The following TJP1 variants were observed in gnomAD, a reference collection of about 807,000 sequenced individuals.
TJP1 encodes tight junction protein 1.
TJP1 carries 43 observed loss-of-function variants against 194.2 expected under a neutral mutation model. That is an observed-to-expected ratio of 0.22 (90% CI 0.17 to 0.29). The LOEUF is 0.29. Among genes scored for constraint, TJP1 ranks in the 10% least tolerant of loss-of-function variants. TJP1 has a pLI of 1.00. For missense variants in TJP1, 1,971 were observed against 2,185.7 expected (o/e 0.90, Z 1.96); for synonymous variants, 801 against 779.0 (o/e 1.03, Z -0.47).
chr15:29,813,579 T>C (rs761860436), intron 1 of TJP1, among the ~76,000 whole-genome samples: 66 of 152,300 alleles, frequency 4.3e-4, no homozygotes, highest in Non-Finnish European at 8.4e-4. Context: ...TAGAAGATTC[T>C]GTATGCGCAA....
chr15:29,713,022 G>A (rs560343967), intron 23 of TJP1, among the ~76,000 whole-genome samples: 21 of 152,234 alleles, frequency 1.4e-4, no homozygotes, highest in African/African-American at 4.8e-4. Flanking sequence ...CTGTGGTGGT[G>A]GAGTCTTACT....
intron 1 of TJP1, among the ~76,000 whole-genome samples, chr15:29,801,289 C>A (rs2048762802): frequency 6.6e-6 from 1 of 152,026 alleles, no homozygotes; most frequent in East Asian, 1.9e-4. Context: ...ATGTATCACA[C>A]ACGTAGATAC....
chr15:29,797,676 A>T (rs2048504606), intron 2 of TJP1, among the ~76,000 whole-genome samples: 1 of 152,162 alleles, frequency 6.6e-6, no homozygotes, highest in Non-Finnish European at 1.5e-5. Flanking sequence ...AAAGGAAAAA[A>T]ATATTTGCAA....
intron 5 of TJP1, among the ~76,000 whole-genome samples, chr15:29,763,007 C>T (rs913199268): frequency 1.3e-5 from 2 of 152,092 alleles, no homozygotes; most frequent in African/African-American, 2.4e-5. Flanking sequence ...TTCTATTTTT[C>T]CCAGCTCCTA....
intron 12 of TJP1, among the ~76,000 whole-genome samples, chr15:29,733,522 A>G (rs990428646): frequency 6.6e-6 from 1 of 152,274 alleles, no homozygotes; most frequent in Non-Finnish European, 1.5e-5. Flanking sequence ...AAACTGATGC[A>G]GAAAATACAT....
intron 1 of TJP1, among the ~76,000 whole-genome samples, chr15:29,963,065 C>T (rs974073245): frequency 6.6e-6 from 1 of 152,102 alleles, no homozygotes. Context: ...CACTTGCACC[C>T]GGGAGGCGGA....
Position 29,718,892 on chromosome 15 carries a change from C to A in TJP1, c.3250G>T (p.Val1084Phe). 1.9e-6 allele frequency: 3 copies of A among 1,614,138 alleles called. No homozygotes were observed. In the African/African-American group the frequency reaches 4.0e-5, roughly 22 times the overall value. ...YEHRLRYEDR[V>F]PMYEEQWSYY... ...GACCACTGTTCTTCATACATGGGGA[C>A]GCGATCTTCGTATCGCAGACGATGT... Residue 1084 changes from valine to phenylalanine, a missense_variant, in exon 21 of 28, where the codon GTC (valine) becomes TTC (phenylalanine). Around this residue, in one of 5 missense-constraint regions of TJP1, gnomAD observed 1,108 missense variants for 1,128.5 expected, o/e 0.98. Coordinates refer to ENST00000614355, the MANE Select transcript of TJP1 (RefSeq NM_001330239.4).
intron 8 of TJP1, among the ~76,000 whole-genome samples, chr15:29,746,238 C>T (rs531475088): frequency 1.2e-4 from 19 of 152,022 alleles, no homozygotes; most frequent in African/African-American, 4.1e-4. Flanking sequence ...ATTGGCTGGG[C>T]GTGGTGGCGG....
intron 2 of TJP1, among the ~76,000 whole-genome samples, chr15:29,866,020 G>A (rs184027320): frequency 5.6e-4 from 85 of 152,240 alleles, no homozygotes; most frequent in African/African-American, 1.9e-3. Flanking sequence ...AATCATAAAG[G>A]CATACTTTCA....
intron 5 of TJP1, among the ~76,000 whole-genome samples, chr15:29,762,807 C>T (rs913410597): frequency 1.1e-4 from 16 of 152,094 alleles, no homozygotes; most frequent in African/African-American, 3.9e-4. Flanking sequence ...ACTATGTTGC[C>T]CAGGCTGGAC....
At chr15:29,932,786 A>G (rs889539381) in intron 2 of TJP1, among the ~76,000 whole-genome samples, 2 of 152,180 alleles carry the variant, frequency 1.3e-5, no homozygotes, top group African/African-American at 4.8e-5. Flanking sequence ...AAAAGTATGA[A>G]AAGCCTCCAT....
At chr15:29,932,370 G>A (rs907457424) in intron 2 of TJP1, among the ~76,000 whole-genome samples, 4 of 152,160 alleles carry the variant, frequency 2.6e-5, no homozygotes, top group Admixed American at 2.6e-4. Context: ...TGGTATTATA[G>A]ATCAGTATGG....
chr15:29,772,225 A>G (rs1787447985), intron 3 of TJP1, 59 bp from the exon 4 acceptor site: 2 of 1,063,032 alleles, frequency 1.9e-6, no homozygotes, highest in Non-Finnish European at 2.8e-6. Flanking sequence ...TAAGTTTATG[A>G]TGATATTTCC....
At chr15:29,852,675 G>A (rs748716703) in intron 2 of TJP1, among the ~76,000 whole-genome samples, 3 of 152,142 alleles carry the variant, frequency 2.0e-5, no homozygotes, top group Admixed American at 6.5e-5. Flanking sequence ...TTGGGAGGCC[G>A]AGGTGGGCGG....
chr15:29,764,970 T>A (rs1284510026), intron 5 of TJP1, among the ~76,000 whole-genome samples: 7 of 151,340 alleles, frequency 4.6e-5, no homozygotes, highest in African/African-American at 1.7e-4. Context: ...TTACCTTAAG[T>A]GGAAAAAAAG....
At chr15:29,707,448 G>A (rs1201846277) in intron 25 of TJP1, among the ~76,000 whole-genome samples, 1 of 152,142 alleles carries the variant, frequency 6.6e-6, no homozygotes, top group Non-Finnish European at 1.5e-5. Flanking sequence ...AGCTCTGTCC[G>A]CCCCTGACCA....
chr15:29,882,671 A>C (rs2052979377), intron 2 of TJP1, among the ~76,000 whole-genome samples: 1 of 152,240 alleles, frequency 6.6e-6, no homozygotes, highest in Admixed American at 6.5e-5. Flanking sequence ...CATGTGTCGG[A>C]CCGAAAGGTC....
intron 8 of TJP1, among the ~76,000 whole-genome samples, chr15:29,745,708 T>C (rs1381539069): frequency 6.6e-6 from 1 of 152,170 alleles, no homozygotes; most frequent in African/African-American, 2.4e-5. Context: ...TGAAATCAGG[T>C]ACGAAGGTGC....
At chr15:29,799,065 T>C (rs2048605205) in intron 2 of TJP1, among the ~76,000 whole-genome samples, 2 of 152,320 alleles carry the variant, frequency 1.3e-5, no homozygotes, top group South Asian at 2.1e-4. Context: ...TGTATTTTAA[T>C]TGTGGTGGTT....
Sources: gnomAD v4.1 joint callset for allele counts (sites outside exome capture counted in the v4.1 genomes callset) on GRCh38, gnomAD v4.1.1 for gene constraint, gnomAD v4.1.1 regional missense constraint, MANE v1.5 for transcripts, NCBI Gene and HGNC (gene_info 2026-07-23, HGNC 2026-07-21) for gene names.